Variants in ZBTB20 observed in about 807,000 individuals in gnomAD.
ZBTB20 encodes the protein zinc finger and BTB domain-containing protein 20.
Under a neutral mutation model 56.9 loss-of-function variants are expected in ZBTB20, and 9 were observed. That is an observed-to-expected ratio of 0.16 (90% CI 0.10 to 0.28). The LOEUF is 0.28. Among genes scored for constraint, ZBTB20 ranks in the 10% least tolerant of loss-of-function variants. The probability of loss-of-function intolerance (pLI) is 1.00; values close to 1 mark genes in which losing one functional copy is unlikely to be tolerated. For synonymous variants in ZBTB20, 417 were observed against 420.7 expected, an observed-to-expected ratio of 0.99 and a Z score of 0.11; for missense variants, 655 against 1,003.0, an observed-to-expected ratio of 0.65 and a Z score of 4.69.
intron 5 of ZBTB20, among the ~76,000 whole-genome samples, chr3:114,784,555 C>T (rs1458131914): frequency 6.6e-6 from 1 of 152,174 alleles, no homozygotes; most frequent in Non-Finnish European, 1.5e-5. Flanking sequence ...AGAGTTTTCA[C>T]TATCATCTGC....
chr3:115,046,263 G>A (rs2081329368), intron 2 of ZBTB20, among the ~76,000 whole-genome samples: 1 of 152,050 alleles, frequency 6.6e-6, no homozygotes, highest in African/African-American at 2.4e-5. Context: ...AACGTTGAAG[G>A]TTTTAACTCG....
intron 6 of ZBTB20, among the ~76,000 whole-genome samples, chr3:114,574,279 A>T (rs896667328): frequency 1.3e-5 from 2 of 152,148 alleles, no homozygotes; most frequent in African/African-American, 4.8e-5. Flanking sequence ...CTGAGATTCT[A>T]TTTCCTCTAG....
chr3:114,805,412 C>A (rs184925945), intron 4 of ZBTB20, among the ~76,000 whole-genome samples: 5 of 151,852 alleles, frequency 3.3e-5, no homozygotes, highest in African/African-American at 1.2e-4. Flanking sequence ...TTTTGTGAAA[C>A]CTTTTACAAC....
intron 4 of ZBTB20, among the ~76,000 whole-genome samples, chr3:114,877,738 T>C (rs989315231): frequency 6.6e-6 from 1 of 152,224 alleles, no homozygotes; most frequent in Non-Finnish European, 1.5e-5. Context: ...AGTTTGGGCT[T>C]TTTTTGTAGC....
chr3:114,633,360 C>T (rs2107846679), intron 6 of ZBTB20, among the ~76,000 whole-genome samples: 1 of 152,326 alleles, frequency 6.6e-6, no homozygotes, highest in South Asian at 2.1e-4. Context: ...CACTGTATCA[C>T]AGCTTGCACA....
chr3:114,905,792 G>A (rs1003720016), intron 3 of ZBTB20, among the ~76,000 whole-genome samples: 1 of 151,800 alleles, frequency 6.6e-6, no homozygotes, highest in Non-Finnish European at 1.5e-5. Context: ...AGGTTAGAAA[G>A]CCTCGTTAGT....
chr3:114,486,563 A>G (rs990167169), intron 7 of ZBTB20, among the ~76,000 whole-genome samples: 2 of 152,002 alleles, frequency 1.3e-5, no homozygotes, highest in African/African-American at 2.4e-5. Context: ...AAAAGCATAG[A>G]AAAAAAACTC....
chr3:114,592,586 T>C (rs17674357), intron 6 of ZBTB20, among the ~76,000 whole-genome samples: 6,267 of 152,284 alleles, frequency 0.041, 184 homozygotes, highest in Non-Finnish European at 0.065. Flanking sequence ...TCAAGTATAA[T>C]GGCAATCTTC....
chr3:114,683,877 C>G lies in ZBTB20; in HGVS notation c.-295+9651G>C, dbSNP rs1170802458. On this transcript the variant is annotated intron_variant, in intron 6 of 11. Coordinates refer to ENST00000675478, the MANE Select transcript of ZBTB20 (RefSeq NM_001348800.3). ...GCCTGACATCTCTGAGGGACTATGA[C>G]AGGATTCTGACAGCCATATCTGCTA... 5.9e-5 allele frequency among the ~76,000 whole-genome samples: 9 copies of G among 152,126 alleles called. No homozygotes were observed. In the East Asian group the frequency reaches 1.8e-3, roughly 30 times the overall value.
At chr3:114,849,942 C>G (rs138623771) in intron 4 of ZBTB20, among the ~76,000 whole-genome samples, 1,661 of 149,110 alleles carry the variant, frequency 0.011, 29 homozygotes, top group African/African-American at 0.04. Flanking sequence ...CTCTGCTGCC[C>G]AGGTTGGAGT....
Position 114,325,862 on chromosome 3 carries a change from C to A in ZBTB20, c.*13143G>T, listed in dbSNP as rs1178558398. The A allele has an allele frequency of 6.6e-6, 1 of 152,136 alleles. No individual in the cohort carries two copies. Among genetic ancestry groups the A allele is most frequent in the South Asian group, 2.1e-4 (1 of 4,828 alleles). 9.4% of individuals were successfully genotyped at this position (152,136 alleles called of 1,614,324 possible). ...CAGTATGCTTTCAAATGAAGTACTA[C>A]AATTTCCTTTTTTAAAAAAATAGTT... On this transcript the variant is annotated 3_prime_UTR_variant, in exon 12 of 12. Transcript: ENST00000675478.
chr3:115,039,870 A>G (rs2081072623), intron 2 of ZBTB20, among the ~76,000 whole-genome samples: 1 of 152,028 alleles, frequency 6.6e-6, no homozygotes, highest in Non-Finnish European at 1.5e-5. Context: ...ATGGCCATCT[A>G]TTTTACAGCA....
chr3:115,097,903 G>A (rs75081349), intron 1 of ZBTB20, among the ~76,000 whole-genome samples: 5,271 of 152,172 alleles, frequency 0.035, 198 homozygotes, highest in Admixed American at 0.12. Flanking sequence ...TCCCAGAAAA[G>A]GCCAAGATTA....
intron 1 of ZBTB20, among the ~76,000 whole-genome samples, chr3:115,127,029 C>T (rs2084352024): frequency 6.6e-6 from 1 of 152,130 alleles, no homozygotes; most frequent in Non-Finnish European, 1.5e-5. Context: ...ATATGAATGA[C>T]TTGGAGTCTT....
At chr3:114,387,391 A>T (rs1485109305) in intron 8 of ZBTB20, 2 of 152,224 alleles carry the variant, frequency 1.3e-5, no homozygotes, top group Non-Finnish European at 1.5e-5. Context: ...CAAAGACTGC[A>T]AAGATTATAA....
chr3:114,852,614 G>C (rs977147395), intron 4 of ZBTB20, among the ~76,000 whole-genome samples: 17 of 152,142 alleles, frequency 1.1e-4, no homozygotes, highest in African/African-American at 3.6e-4. Context: ...TTATTTGCTA[G>C]TATGGAAAAT....
chr3:114,916,836 G>T (rs1194963992), intron 3 of ZBTB20, among the ~76,000 whole-genome samples: 3 of 151,972 alleles, frequency 2.0e-5, no homozygotes, highest in Non-Finnish European at 2.9e-5. Context: ...TTGACCTTTT[G>T]GGAATTTGAC....
chr3:115,143,862 TTCCTCCTTCTCAAAC>T (rs2084890173), intron 1 of ZBTB20, among the ~76,000 whole-genome samples: 1 of 152,214 alleles, frequency 6.6e-6, no homozygotes, highest in African/African-American at 2.4e-5. Context: ...GGTAAACACC[TTCCTCCTTCTCAAAC>T]TTCTGTAGGC....
intron 4 of ZBTB20, among the ~76,000 whole-genome samples, chr3:114,895,158 T>G (rs1296538061): frequency 1.3e-5 from 2 of 152,114 alleles, no homozygotes; most frequent in Non-Finnish European, 2.9e-5. Flanking sequence ...ACTGTTGAGT[T>G]TGCATAGAAG....
Sources: allele counts gnomAD v4.1 joint callset (sites outside exome capture counted in the v4.1 genomes callset), GRCh38; gene constraint gnomAD v4.1.1; transcripts MANE v1.5; gene names NCBI Gene and HGNC (gene_info 2026-07-23, HGNC 2026-07-21).